ADGRL3: variants seen among roughly 807,000 people sequenced by gnomAD.
ADGRL3 encodes calcium-independent alpha-latrotoxin receptor 3.
In ADGRL3, 62 loss-of-function variants were observed where a neutral mutation model predicts 153.5. The observed-to-expected ratio is 0.40, with a 90% CI of 0.33 to 0.50. ADGRL3 has a LOEUF of 0.50. Ranked by LOEUF, ADGRL3 falls within the 20% of genes least tolerant of loss-of-function variation. ADGRL3 has a pLI of 0.47. For missense variants in ADGRL3, 1,641 were observed against 1,859.4 expected (o/e 0.88, Z 2.16); for synonymous variants, 710 against 672.5 (o/e 1.06, Z -0.86).
chr4:61,466,597 A>T (rs534229904), intron 2 of ADGRL3, among the ~76,000 whole-genome samples: 6 of 152,256 alleles, frequency 3.9e-5, no homozygotes, highest in East Asian at 1.9e-4. Context: ...TATCGTCAGG[A>T]GATTGTAAGT....
At chr4:61,608,568 A>G (rs1393280416) in intron 5 of ADGRL3, among the ~76,000 whole-genome samples, 10 of 152,172 alleles carry the variant, frequency 6.6e-5, no homozygotes, top group Non-Finnish European at 1.0e-4. Flanking sequence ...TAGCTATTTT[A>G]TTATTTATTT....
intron 5 of ADGRL3, among the ~76,000 whole-genome samples, chr4:61,620,490 C>G (rs931763145): frequency 6.6e-6 from 1 of 151,988 alleles, no homozygotes; most frequent in Non-Finnish European, 1.5e-5. Flanking sequence ...AGTCAGACTC[C>G]GAAAGAAGCC....
intron 1 of ADGRL3, among the ~76,000 whole-genome samples, chr4:61,219,174 T>C (rs1744240000): frequency 6.6e-6 from 1 of 152,202 alleles, no homozygotes; most frequent in East Asian, 1.9e-4. Flanking sequence ...TACTATGCTG[T>C]ACTCTAATTA....
chr4:61,585,804 A>C (rs1444873772), intron 4 of ADGRL3, among the ~76,000 whole-genome samples: 3 of 152,050 alleles, frequency 2.0e-5, no homozygotes, highest in Admixed American at 1.3e-4. Context: ...TGACAGGAAA[A>C]GGCAGACCTT....
At chr4:61,344,890 G>A (rs1028051855) in intron 1 of ADGRL3, among the ~76,000 whole-genome samples, 1 of 151,568 alleles carries the variant, frequency 6.6e-6, no homozygotes, top group Non-Finnish European at 1.5e-5. Context: ...AGGTTCAAGC[G>A]ATTCTCTTGC....
At chr4:61,965,460 G>T (rs2099002836) in intron 17 of ADGRL3, among the ~76,000 whole-genome samples, 1 of 152,042 alleles carries the variant, frequency 6.6e-6, no homozygotes, top group Non-Finnish European at 1.5e-5. Flanking sequence ...GATTTTAAAA[G>T]CATTTGAGGC....
chr4:61,961,457 T>G (rs898271367), intron 17 of ADGRL3, among the ~76,000 whole-genome samples: 4 of 152,182 alleles, frequency 2.6e-5, no homozygotes, highest in African/African-American at 9.7e-5. Flanking sequence ...CTAATTCTCT[T>G]TTGTGCATTT....
chr4:61,584,407 C>A (rs567016924), intron 4 of ADGRL3, among the ~76,000 whole-genome samples: 1 of 152,104 alleles, frequency 6.6e-6, no homozygotes, highest in African/African-American at 2.4e-5. Flanking sequence ...TTTTAACTGA[C>A]TTTGCAACTG....
intron 25 of ADGRL3, among the ~76,000 whole-genome samples, chr4:62,064,970 T>G (rs1742236009): frequency 1.3e-5 from 2 of 152,132 alleles, no homozygotes; most frequent in South Asian, 4.1e-4. Context: ...GATATATGTC[T>G]TTAGAATTAG....
intron 4 of ADGRL3, among the ~76,000 whole-genome samples, chr4:61,575,556 C>T (rs185503473): frequency 1.3e-5 from 2 of 151,998 alleles, no homozygotes; most frequent in South Asian, 2.1e-4. Context: ...TTATCTCCTG[C>T]CCCCATCTAC....
intron 4 of ADGRL3, among the ~76,000 whole-genome samples, chr4:61,522,598 A>G (rs562114174): frequency 6.6e-6 from 1 of 152,230 alleles, no homozygotes; most frequent in East Asian, 1.9e-4. Flanking sequence ...TTTGCTTGTA[A>G]CACCATGATT....
At chr4:61,663,679 GA>G (rs1166555099) in intron 5 of ADGRL3, among the ~76,000 whole-genome samples, 1 of 152,198 alleles carries the variant, frequency 6.6e-6, no homozygotes. Flanking sequence ...TTCTGTATGG[GA>G]AAGTGACATC....
At chr4:61,750,810 A>AAAAAAAAAAAAAAAAAAAAAG (rs746270309) in intron 8 of ADGRL3, among the ~76,000 whole-genome samples, 1 of 147,092 alleles carries the variant, frequency 6.8e-6, no homozygotes, top group Non-Finnish European at 1.5e-5. Context: ...AAAAAAAAAA[A>AAAAAAAAAAAAAAAAAAAAAG]AAGTCAAAGC....
intron 8 of ADGRL3, among the ~76,000 whole-genome samples, chr4:61,758,819 G>A (rs534078008): frequency 1.2e-4 from 18 of 152,256 alleles, no homozygotes; most frequent in East Asian, 3.9e-4. Context: ...GGCTGGAACC[G>A]CTTGTTCCTT....
chr4:61,519,028 C>T (rs139863384), intron 4 of ADGRL3, among the ~76,000 whole-genome samples: 2,734 of 152,052 alleles, frequency 0.018, 84 homozygotes, highest in African/African-American at 0.062. Flanking sequence ...AACTCCAATG[C>T]CTGTACATTC....
At chr4:61,392,255 C>A (rs2096817291) in intron 2 of ADGRL3, among the ~76,000 whole-genome samples, 1 of 151,906 alleles carries the variant, frequency 6.6e-6, no homozygotes, top group Non-Finnish European at 1.5e-5. Context: ...GTAGATGATG[C>A]CAAAACAATT....
chr4:61,207,870 A>G (rs1170431373), intron 1 of ADGRL3, among the ~76,000 whole-genome samples: 1 of 152,170 alleles, frequency 6.6e-6, no homozygotes, highest in East Asian at 1.9e-4. Flanking sequence ...GATTTTTCTG[A>G]GATCTGCCTC....
chr4:61,856,999 T>C (rs1222015528), intron 9 of ADGRL3, among the ~76,000 whole-genome samples: 44 of 139,198 alleles, frequency 3.2e-4, no homozygotes, highest in African/African-American at 1.2e-3. Context: ...TTTCTTTCTT[T>C]CTTTCTTTCT....
In ADGRL3 at chr4:61,201,008, G is replaced by T. The variant is rs1384192336; in HGVS notation, c.-997G>T. ...GCTCTCGCTCCGGCTGTCCGCGGAG[G>T]TTGCGGGCTTGAGAGGGGACCCTCG... On this transcript the variant is annotated 5_prime_UTR_variant, in exon 1 of 27. Coordinates refer to ENST00000683033, the MANE Select transcript of ADGRL3 (RefSeq NM_001387552.1). Among the ~76,000 whole-genome samples, 1 of 152,170 alleles carries T rather than the reference G, an allele frequency of 6.6e-6. No homozygotes were observed. The highest frequency in any genetic ancestry group is 1.5e-5 in the Non-Finnish European group (1 of 68,036).
Sources: gnomAD v4.1 joint callset for allele counts (sites outside exome capture counted in the v4.1 genomes callset) on GRCh38, gnomAD v4.1.1 for gene constraint, MANE v1.5 for transcripts, NCBI Gene and HGNC (gene_info 2026-07-23, HGNC 2026-07-21) for gene names.